ABL1: variants seen among roughly 807,000 people sequenced by gnomAD.
ABL1 encodes ABL proto-oncogene 1, non-receptor tyrosine kinase.
In ABL1, 11 loss-of-function variants were observed where a neutral mutation model predicts 94.7. The observed-to-expected ratio is 0.12, with a 90% CI of 0.07 to 0.19. The LOEUF is 0.19. Among genes scored for constraint, ABL1 ranks in the 10% least tolerant of loss-of-function variants. The probability of loss-of-function intolerance (pLI) is 1.00; values close to 1 mark genes in which losing one functional copy is unlikely to be tolerated. For missense variants in ABL1, 1,082 were observed against 1,489.4 expected, an observed-to-expected ratio of 0.73 and a Z score of 4.50; for synonymous variants, 656 against 622.4, an observed-to-expected ratio of 1.05 and a Z score of -0.80.
rs1220506997 is a variant in ABL1 at position 130,814,483 on chromosome 9, C to T, written c.137-39581C>T. On this transcript the variant is annotated intron_variant, in intron 1 of 10. Transcript: ENST00000372348. The surrounding 1 kb of genome is among the most constrained non-coding windows in gnomAD (Gnocchi z 4.4). ...ATCAGCAGTGAAAGAGATGACATCACACAGATTCTAAAGATATTGAAAGTG... is the reference window on the plus strand; with the variant it reads ...ATCAGCAGTGAAAGAGATGACATCATACAGATTCTAAAGATATTGAAAGTG... Among the ~76,000 whole-genome samples, 1 of 152,196 alleles carries T rather than the reference C, an allele frequency of 6.6e-6. No individual in the cohort carries two copies.
At chr9:130,835,143 T>C (rs1329100406), upstream of ABL1, 1 of 223,488 alleles carries the variant, frequency 4.5e-6, no homozygotes, top group Non-Finnish European at 9.1e-6. This position sits in a 1 kb window ranked among gnomAD's most constrained non-coding sequence, Gnocchi z 4.6. Context: ...GGGCTCGGCC[T>C]CGGGAACGCC....
At chr9:130,810,966 T>A (rs796795597) in intron 1 of ABL1, among the ~76,000 whole-genome samples, 1 of 152,106 alleles carries the variant, frequency 6.6e-6, no homozygotes. Flanking sequence ...AGATTTCTCA[T>A]TGGAAACAAT....
intron 7 of ABL1, 151 bp from the exon 8 acceptor site, chr9:130,878,264 C>T (rs1831386469): frequency 2.2e-6 from 2 of 909,384 alleles, no homozygotes; most frequent in South Asian, 3.2e-5. Flanking sequence ...TCCTGGTCTT[C>T]TGATGATAAA....
chr9:130,870,633 A>T (rs1436209784), intron 4 of ABL1, among the ~76,000 whole-genome samples: 1 of 152,194 alleles, frequency 6.6e-6, no homozygotes, highest in Admixed American at 6.5e-5. Context: ...TGAGCACATT[A>T]AGGAGCAGAG....
chr9:130,717,055 G>T (rs1023608486), intron 1 of ABL1, among the ~76,000 whole-genome samples: 37 of 151,614 alleles, frequency 2.4e-4, no homozygotes, highest in African/African-American at 9.0e-4. Flanking sequence ...TTTTTTGTTC[G>T]TTTTTGCGAC....
intron 1 of ABL1, among the ~76,000 whole-genome samples, chr9:130,801,975 TC>T (rs1436070171): frequency 6.6e-6 from 1 of 152,174 alleles, no homozygotes; most frequent in African/African-American, 2.4e-5. Context: ...GGCTCTTGTT[TC>T]TTCTAAATTT....
chr9:130,875,723 T>G (rs1406057015), intron 7 of ABL1, among the ~76,000 whole-genome samples: 1 of 152,170 alleles, frequency 6.6e-6, no homozygotes, highest in African/African-American at 2.4e-5. Context: ...ACTGTTTCTC[T>G]TTTAGTAAGA....
intron 1 of ABL1, among the ~76,000 whole-genome samples, chr9:130,846,529 C>T (rs916737601): frequency 5.0e-4 from 76 of 152,216 alleles, no homozygotes; most frequent in African/African-American, 1.8e-3. Flanking sequence ...TCCTGTCCCC[C>T]CCACACTGAA....
At chr9:130,714,580 T>A in intron 1 of ABL1, 1 of 1,269,228 alleles carries the variant, frequency 7.9e-7, no homozygotes, top group Non-Finnish European at 1.2e-6. Flanking sequence ...TTTGTTACTG[T>A]AGTTATCTCT....
intron 1 of ABL1, among the ~76,000 whole-genome samples, chr9:130,789,066 T>C (rs1829868178): frequency 1.3e-5 from 2 of 152,176 alleles, no homozygotes; most frequent in Admixed American, 1.3e-4. Context: ...GGGAGACATT[T>C]TGTGACCATA....
At chr9:130,828,433 A>T (rs1830455368) in intron 1 of ABL1, among the ~76,000 whole-genome samples, 1 of 152,266 alleles carries the variant, frequency 6.6e-6, no homozygotes, top group Non-Finnish European at 1.5e-5. Context: ...AGATGTGGAA[A>T]ATTGTCTCAG....
intron 4 of ABL1, among the ~76,000 whole-genome samples, chr9:130,870,534 A>G (rs111932397): frequency 2.6e-5 from 4 of 152,334 alleles, no homozygotes; most frequent in African/African-American, 9.6e-5. Context: ...ATCCCCGGAT[A>G]CTGGCAGGCG....
At chr9:130,740,594 C>T (rs973073857) in intron 1 of ABL1, among the ~76,000 whole-genome samples, 5 of 152,132 alleles carry the variant, frequency 3.3e-5, no homozygotes, top group African/African-American at 7.2e-5. Flanking sequence ...TTTATCACTT[C>T]GAAGAAAAAC....
In ABL1 at chr9:130,802,650, G is replaced by A. The variant is rs565793796; in HGVS notation, c.137-51414G>A. Among the ~76,000 whole-genome samples the A allele has an allele frequency of 6.6e-5, 10 of 152,176 alleles. No individual in the cohort carries two copies. In the South Asian group the frequency reaches 1.9e-3, roughly 28 times the overall value. On this transcript the variant is annotated intron_variant, in intron 1 of 10. Transcript: ENST00000372348. ...ATGCCTTATACTGCTTCATTGAGAT[G>A]ATTATAATAGCTGCTTAAAATCTTT... is the stretch of plus-strand genomic sequence containing the variant.
intron 1 of ABL1, among the ~76,000 whole-genome samples, chr9:130,838,962 T>G (rs749856310): frequency 1.1e-4 from 17 of 152,166 alleles, no homozygotes; most frequent in Non-Finnish European, 2.2e-4. Context: ...CAGGCTGGAC[T>G]GCAGTGGCAC....
At chr9:130,858,776 T>C (rs1831015671) in intron 3 of ABL1, among the ~76,000 whole-genome samples, 1 of 152,198 alleles carries the variant, frequency 6.6e-6, no homozygotes, top group South Asian at 2.1e-4. Context: ...TTCTTATTTT[T>C]AAATTAGCTC....
rs1376411565 is a variant in ABL1, at chr9:130,884,111, G to A, written c.1821G>A (p.Lys607=). 1.2e-6 allele frequency: 2 copies of A among 1,613,688 alleles called. No homozygotes were observed. Among genetic ancestry groups the A allele is most frequent in the Non-Finnish European group, 1.7e-6 (2 of 1,180,048 alleles). The change falls in exon 11 of 11, where the codon AAG becomes AAA. Residue 607 remains lysine (K), a synonymous_variant. Transcript: ENST00000318560. The surrounding 1 kb of genome is among the most constrained non-coding windows in gnomAD (Gnocchi z 5.6). ...TNLFSALIKK[K]KKTAPTPPKR... ...TGTTCAGCGCCTTGATCAAGAAGAA[G>A]AAGAAGACAGCCCCAACCCCTCCCA... is the stretch of plus-strand genomic sequence containing the variant.
chr9:130,742,731 C>T (rs1230624300), intron 1 of ABL1, among the ~76,000 whole-genome samples: 2 of 151,836 alleles, frequency 1.3e-5, no homozygotes, highest in African/African-American at 4.8e-5. Context: ...GGTCATGTAC[C>T]CTTATTAGAA....
At chr9:130,729,576 T>A (rs1831634976) in intron 1 of ABL1, among the ~76,000 whole-genome samples, 1 of 152,190 alleles carries the variant, frequency 6.6e-6, no homozygotes, top group South Asian at 2.1e-4. Flanking sequence ...TGTTTTTCTC[T>A]TTCCTCAAGG....
Sources: allele counts gnomAD v4.1 joint callset (sites outside exome capture counted in the v4.1 genomes callset), GRCh38; gene constraint gnomAD v4.1.1; non-coding constraint Gnocchi (gnomAD v3.1); transcripts MANE v1.5; gene names NCBI Gene and HGNC (gene_info 2026-07-23, HGNC 2026-07-21).